HLX: variants seen among roughly 807,000 people sequenced by gnomAD.
HLX encodes H2.0-like homeobox protein.
Under a neutral mutation model 27.7 loss-of-function variants are expected in HLX, and 6 were observed. The observed-to-expected ratio is 0.22, with a 90% CI of 0.12 to 0.43. HLX has a LOEUF of 0.43. HLX is among the 20% of genes least tolerant of loss of function. The pLI, the probability that HLX is intolerant of heterozygous loss-of-function variation, is 1.00. For missense variants in HLX, 666 were observed against 655.2 expected (o/e 1.02, Z -0.18); for synonymous variants, 328 against 293.8 (o/e 1.12, Z -1.19).
Position 220,880,229 on chromosome 1 carries a change from G to C in HLX, c.372G>C (p.Pro124=). The C allele has an allele frequency of 1.9e-6, 3 of 1,612,432 alleles. No homozygotes were observed. The highest frequency in any genetic ancestry group is 2.5e-6 in the Non-Finnish European group (3 of 1,178,832). The change falls in exon 1 of 4, where the codon CCG becomes CCC. Residue 124 remains proline, a synonymous_variant. Transcript: ENST00000366903. ...PLSAAYHHHH[P]QQQQQQQQPQ... ...CAGCCGCCTACCACCACCATCACCC[G>C]CAACAACAACAGCAGCAGCAACAGC...
At chr1:220,882,597 T>C (rs977783843) in intron 3 of HLX, 1 of 530,906 alleles carries the variant, frequency 1.9e-6, no homozygotes, top group Non-Finnish European at 3.4e-6. Context: ...TGCATGTTTA[T>C]TTTGGCCAAC....
At position 220,881,386 on chromosome 1, in the gene HLX, T is replaced by G; in HGVS notation, c.772+13T>G. On this transcript the variant is annotated intron_variant, in intron 2 of 3. Coordinates refer to ENST00000366903, the MANE Select transcript of HLX (RefSeq NM_021958.4). ...GACACGTTTCCAGGTACGGAAAAAC[T>G]CCAGAGTACTGCCTAACGGGCGAGC... The G allele has an allele frequency of 1.2e-6, 2 of 1,606,818 alleles. No homozygotes were observed. The highest frequency in any genetic ancestry group is 1.7e-6 in the Non-Finnish European group (2 of 1,173,348).
chr1:220,880,058 C>T lies in HLX; in HGVS notation c.201C>T (p.Ala67=). Reference sequence around the variant, plus strand: ...CGGCCCCGGAGGGCCTGGCAGGGGCCTCGGCCGCCGCCCTCACCGCGCACT... The same window carrying T: ...CGGCCCCGGAGGGCCTGGCAGGGGCTTCGGCCGCCGCCCTCACCGCGCACT... The part of the protein sequence containing the change: ...LGAAPEGLAG[A]SAAALTAHLG... The change falls in exon 1 of 4, where the codon GCC becomes GCT. Residue 67 remains alanine (A), a synonymous_variant. Transcript: ENST00000366903. The T allele has an allele frequency of 6.3e-7, 1 of 1,588,410 alleles. No individual in the cohort carries two copies. The highest frequency in any genetic ancestry group is 1.3e-5 in the African/African-American group (1 of 74,548).
chr1:220,879,821 G>C lies in HLX; in HGVS notation c.-37G>C, dbSNP rs778162144. On this transcript the variant is annotated 5_prime_UTR_variant, in exon 1 of 4. Transcript: ENST00000366903. ...CCCGCGCGCCCACCCACCCAGTCCG[G>C]CTGGACTGCGGCAGCCGCGCGGCTC... 4.7e-5 allele frequency: 73 copies of C among 1,537,478 alleles called. No homozygotes were observed. The Middle Eastern group carries it at 9.1e-4, about 19-fold the overall frequency.
chr1:220,880,307 G>C lies in HLX; in HGVS notation c.450G>C (p.Pro150=). 1 of 1,613,224 alleles carries C rather than the reference G, an allele frequency of 6.2e-7. No homozygotes were observed. Among genetic ancestry groups the C allele is most frequent in the South Asian group, 1.1e-5 (1 of 91,042 alleles). ...CCCGGGCTGGCGCCCTGCAGCCCCC[G>C]GCCTCGGGGACGCGAGTGGTTCCGA... ...PPPRAGALQP[P]ASGTRVVPNP... is the part of the protein sequence containing the mutation. The change falls in exon 1 of 4, where the codon CCG becomes CCC. Residue 150 remains proline (P), a synonymous_variant. Coordinates refer to ENST00000366903, the MANE Select transcript of HLX (RefSeq NM_021958.4).
chr1:220,884,792 G>C lies in HLX; in HGVS notation c.*88G>C. 1 of 1,540,212 alleles carries C rather than the reference G, an allele frequency of 6.5e-7. No individual in the cohort carries two copies. Among genetic ancestry groups the C allele is most frequent in the Non-Finnish European group, 8.7e-7 (1 of 1,149,430 alleles). On this transcript the variant is annotated 3_prime_UTR_variant, in exon 4 of 4. Transcript: ENST00000366903. This position sits in a 1 kb window ranked among gnomAD's most constrained non-coding sequence, Gnocchi z 4.9. The stretch of plus-strand genomic sequence containing the variant: ...TGTGCTTACTGTATGTTGGCGACTT[G>C]GTAGGGCAGGAGACGCAGCGTGGAG...
intron 2 of HLX, chr1:220,881,758 G>T: frequency 5.4e-6 from 2 of 370,292 alleles, no homozygotes; most frequent in Non-Finnish European, 5.0e-6. Context: ...ACACATGCGG[G>T]AATAAACACA....
In HLX at chr1:220,881,176, C is replaced by T; in HGVS notation, c.593-18C>T. 3 of 1,611,466 alleles carry T rather than the reference C, an allele frequency of 1.9e-6. No homozygotes were observed. The highest frequency in any genetic ancestry group is 2.5e-6 in the Non-Finnish European group (3 of 1,177,810). Reference sequence around the variant, plus strand: ...TGTGCCCGAGATGTAACCTGCTATCCTTTTCCCTTGTCCCCAGATCTCACT... The same window carrying T: ...TGTGCCCGAGATGTAACCTGCTATCTTTTTCCCTTGTCCCCAGATCTCACT... On this transcript the variant is annotated intron_variant, in intron 1 of 3. Transcript: ENST00000366903.
rs969131835 is a variant in HLX at position 220,884,136 on chromosome 1, G to C, written c.958-59G>C. 5 of 1,576,252 alleles carry C rather than the reference G, an allele frequency of 3.2e-6. No homozygotes were observed. In the African/African-American group the frequency reaches 5.4e-5, roughly 17 times the overall value. ...TTGAGGGTGCACGCGAGTCGGATAG[G>C]AGCAAACCTGGGTCTCATCTCGGTG... On this transcript the variant is annotated intron_variant, in intron 3 of 3. Coordinates refer to ENST00000366903, the MANE Select transcript of HLX (RefSeq NM_021958.4). This position sits in a 1 kb window ranked among gnomAD's most constrained non-coding sequence, Gnocchi z 4.9.
intron 1 of HLX, chr1:220,880,970 T>A: frequency 1.7e-6 from 1 of 574,674 alleles, no homozygotes; most frequent in Non-Finnish European, 3.2e-6. Flanking sequence ...GTAAAGCCTT[T>A]ACTTACTATA....
rs551071906 is a variant in HLX, at chr1:220,879,933, G to C, written c.76G>C (p.Gly26Arg). The C allele has an allele frequency of 1.9e-6, 3 of 1,597,628 alleles. No homozygotes were observed. The highest frequency in any genetic ancestry group is 2.2e-5 in the South Asian group (2 of 90,390). ...LWSAAYCSSAGPGGCSFPLDP... is the reference protein window; with the variant it reads ...LWSAAYCSSARPGGCSFPLDP... Reference sequence around the variant, plus strand: ...GTCGGCCGCTTACTGCTCCTCGGCCGGCCCAGGCGGCTGCTCCTTCCCCTT... The same window carrying C: ...GTCGGCCGCTTACTGCTCCTCGGCCCGCCCAGGCGGCTGCTCCTTCCCCTT... Residue 26 changes from glycine (G) to arginine (R), a missense_variant, in exon 1 of 4, where the codon GGC becomes CGC. Coordinates refer to ENST00000366903, the MANE Select transcript of HLX (RefSeq NM_021958.4).
In HLX at chr1:220,883,829, C is replaced by A. The variant is rs560295724; in HGVS notation, c.958-366C>A. On this transcript the variant is annotated intron_variant, in intron 3 of 3. Transcript: ENST00000366903. Reference sequence around the variant, plus strand: ...AGGAGTCCATAACTTTAATCAGATTCTCATGGGGGTCCTGGCATAAAAAAA... The same window carrying A: ...AGGAGTCCATAACTTTAATCAGATTATCATGGGGGTCCTGGCATAAAAAAA... 1.0e-3 allele frequency: 286 copies of A among 287,174 alleles called. 1 individual carries two copies. The highest frequency in any genetic ancestry group is 5.8e-3 in the African/African-American group (269 of 46,302). 17.8% of individuals were successfully genotyped at this position (287,174 alleles called of 1,614,324 possible).
rs1176127167 is a variant in HLX, at chr1:220,884,683, A to G, written c.1446A>G (p.Gln482=). The G allele has an allele frequency of 2.5e-6, 4 of 1,610,458 alleles. No individual in the cohort carries two copies. The highest frequency in any genetic ancestry group is 3.4e-6 in the Non-Finnish European group (4 of 1,179,524). The change falls in exon 4 of 4, where the codon CAA becomes CAG. Residue 482 remains glutamine, a synonymous_variant. Coordinates refer to ENST00000366903, the MANE Select transcript of HLX (RefSeq NM_021958.4). The surrounding 1 kb of genome is among the most constrained non-coding windows in gnomAD (Gnocchi z 4.9). ...CTCCCAAAAGCCCCGAGCCAGCCCA[A>G]GGCGCGCTTGGCTGCTTATAGACTG... ...SSAPKSPEPA[Q]GALGCL is the part of the protein sequence containing the mutation.
chr1:220,882,431 G>A lies in HLX; in HGVS notation c.957+83G>A, dbSNP rs1041599324. The A allele has an allele frequency of 4.6e-5, 59 of 1,273,422 alleles. 1 individual carries two copies. Among genetic ancestry groups the A allele is most frequent in the Non-Finnish European group, 5.1e-5 (45 of 890,502 alleles). The allele number at this position is 1,273,422 out of a possible 1,614,324, so 78.9% of individuals were successfully genotyped here. A position where few individuals can be genotyped will look rare whatever the true frequency, so the allele number is the denominator to read the frequency against. The stretch of plus-strand genomic sequence containing the variant: ...TAGTCTGGTAGGTCCCCTCCATCCC[G>A]GCCGACTGGCCTCCTGCGGTGCAAA... On this transcript the variant is annotated intron_variant, in intron 3 of 3. Coordinates refer to ENST00000366903, the MANE Select transcript of HLX (RefSeq NM_021958.4).
In HLX at chr1:220,879,915, G is replaced by T. The variant is rs764903919; in HGVS notation, c.58G>T (p.Ala20Ser). 3.6e-5 allele frequency: 57 copies of T among 1,595,764 alleles called. No homozygotes were observed. The highest frequency in any genetic ancestry group is 1.7e-4 in the Middle Eastern group (1 of 5,748). Reference sequence around the variant, plus strand: ...CTCCAACTTCAGCCTCTGGTCGGCCGCTTACTGCTCCTCGGCCGGCCCAGG... The same window carrying T: ...CTCCAACTTCAGCCTCTGGTCGGCCTCTTACTGCTCCTCGGCCGGCCCAGG... ...YASNFSLWSAAYCSSAGPGGC... is the reference protein window; with the variant it reads ...YASNFSLWSASYCSSAGPGGC... The change falls in exon 1 of 4, where the codon GCT (alanine) becomes TCT (serine). Residue 20 changes from alanine to serine, a missense_variant. Ala to Ser is a moderately conservative substitution (Grantham distance 99). Transcript: ENST00000366903.
chr1:220,879,774 C>T lies in HLX; in HGVS notation c.-84C>T. ...GATCGTCCTCGGCTGCCGCCGCCTT[C>T]TCCGGGACTCGCGCGCCCCTCCCCG... On this transcript the variant is annotated 5_prime_UTR_variant, in exon 1 of 4. Coordinates refer to ENST00000366903, the MANE Select transcript of HLX (RefSeq NM_021958.4). 6.8e-7 allele frequency: 1 copy of T among 1,462,474 alleles called. No homozygotes were observed. The highest frequency in any genetic ancestry group is 9.0e-7 in the Non-Finnish European group (1 of 1,114,896). The allele number at this position is 1,462,474 out of a possible 1,614,324, so 90.6% of individuals were successfully genotyped here. A position where few individuals can be genotyped will look rare whatever the true frequency, so the allele number is the denominator to read the frequency against.
intron 3 of HLX, chr1:220,883,105 G>A (rs561326014): frequency 2.1e-4 from 21 of 102,150 alleles, no homozygotes; most frequent in Admixed American, 3.9e-4. Flanking sequence ...CCCACCACCC[G>A]AGCTTTGACT....
Position 220,879,828 on chromosome 1 carries a change from T to C in HLX, c.-30T>C. 30 of 1,544,324 alleles carry C rather than the reference T, an allele frequency of 1.9e-5. No individual in the cohort carries two copies. Among genetic ancestry groups the C allele is most frequent in the Non-Finnish European group, 2.6e-5 (30 of 1,152,536 alleles). On this transcript the variant is annotated 5_prime_UTR_variant, in exon 1 of 4. Transcript: ENST00000366903. ...GCCCACCCACCCAGTCCGGCTGGACTGCGGCAGCCGCGCGGCTCACCCCGG... is the reference window on the plus strand; with the variant it reads ...GCCCACCCACCCAGTCCGGCTGGACCGCGGCAGCCGCGCGGCTCACCCCGG...
rs1571714408 is a variant in HLX at position 220,884,779 on chromosome 1, ATGTT to A, written c.*76_*79del. ...ATGGGCTGGGTTTTGTGCTTACTGTATGTTGGCGACTTGGTAGGGCAGGAGACGC... is the reference window on the plus strand; with the variant it reads ...ATGGGCTGGGTTTTGTGCTTACTGTAGGCGACTTGGTAGGGCAGGAGACGC... On this transcript the variant is annotated 3_prime_UTR_variant, in exon 4 of 4. Coordinates refer to ENST00000366903, the MANE Select transcript of HLX (RefSeq NM_021958.4). The surrounding 1 kb of genome is among the most constrained non-coding windows in gnomAD (Gnocchi z 4.9). The A allele has an allele frequency of 1.3e-6, 2 of 1,559,142 alleles. No homozygotes were observed. The highest frequency in any genetic ancestry group is 4.6e-5 in the East Asian group (2 of 43,408).
Sources: gnomAD v4.1 joint callset for allele counts on GRCh38, gnomAD v4.1.1 for gene constraint, Gnocchi (gnomAD v3.1) non-coding constraint, MANE v1.5 for transcripts, NCBI Gene and HGNC (gene_info 2026-07-23, HGNC 2026-07-21) for gene names.